Variants in NCKAP1L observed in about 807,000 individuals in gnomAD.
The protein encoded by NCKAP1L is nck-associated protein 1-like.
NCKAP1L carries 53 observed loss-of-function variants against 139.2 expected under a neutral mutation model. The observed-to-expected ratio is 0.38, with a 90% confidence interval of 0.31 to 0.48. The LOEUF is 0.48. Among genes scored for constraint, NCKAP1L ranks in the 20% least tolerant of loss-of-function variants. The probability of loss-of-function intolerance (pLI) is 0.98; values close to 1 mark genes in which losing one functional copy is unlikely to be tolerated. For synonymous variants in NCKAP1L, 468 were observed against 499.7 expected (o/e 0.94, Z 0.85); for missense variants, 1,151 against 1,381.9 (o/e 0.83, Z 2.65).
At position 54,507,877 on chromosome 12, in the gene NCKAP1L, A is replaced by G. The variant is rs1023200597; in HGVS notation, c.331A>G (p.Thr111Ala). 3 of 1,613,788 alleles carry G rather than the reference A, an allele frequency of 1.9e-6. No homozygotes were observed. The highest frequency in any genetic ancestry group is 2.5e-6 in the Non-Finnish European group (3 of 1,179,876). ...FRDHVYELLN[T>A]IDACQCHFDI... ...GGATCATGTATATGAACTTCTCAAC[A>G]CCATTGATGCCTGCCAGTGCCATTT... The change falls in exon 4 of 31, where the codon ACC becomes GCC. Residue 111 changes from threonine to alanine, a missense_variant. Physicochemically the swap from Thr to Ala is moderately conservative, Grantham distance 58. Coordinates refer to ENST00000293373, the MANE Select transcript of NCKAP1L (RefSeq NM_005337.5).
intron 30 of NCKAP1L, 119 bp from the exon 31 acceptor site, chr12:54,542,456 A>G (rs1217124621): frequency 4.0e-6 from 3 of 748,438 alleles, no homozygotes; most frequent in Middle Eastern, 3.1e-4. Context: ...GTGATTTGGA[A>G]CCCTGTTCAC....
intron 3 of NCKAP1L, among the ~76,000 whole-genome samples, chr12:54,505,861 C>T (rs1956835848): frequency 6.6e-6 from 1 of 152,116 alleles, no homozygotes; most frequent in African/African-American, 2.4e-5. Context: ...GGGGTTTCTC[C>T]ATGTTGGTCA....
chr12:54,506,795 AAATATATAT>A (rs1446296396), intron 3 of NCKAP1L, among the ~76,000 whole-genome samples: 2 of 82,416 alleles, frequency 2.4e-5, no homozygotes, highest in African/African-American at 5.0e-5. Flanking sequence ...TAAAAAAAAA[AAATATATAT>A]ATATATATAT....
At chr12:54,507,294 T>C (rs548428508) in intron 3 of NCKAP1L, among the ~76,000 whole-genome samples, 4 of 152,310 alleles carry the variant, frequency 2.6e-5, no homozygotes, top group East Asian at 1.9e-4. Context: ...GGTAAAATTA[T>C]GTGTGAAAAG....
chr12:54,543,423 G>A lies in NCKAP1L; in HGVS notation c.*738G>A, dbSNP rs1177434412. ...TGCTTTGATATCTCCACAACCCAGAGCAGAGGGTCAGTTAGTCTCCGTCAA... is the reference window on the plus strand; with the variant it reads ...TGCTTTGATATCTCCACAACCCAGAACAGAGGGTCAGTTAGTCTCCGTCAA... On this transcript the variant is annotated 3_prime_UTR_variant, in exon 31 of 31. Transcript: ENST00000293373. The A allele has an allele frequency of 6.6e-6, 1 of 152,204 alleles. No individual in the cohort carries two copies. The highest frequency in any genetic ancestry group is 2.4e-5 in the African/African-American group (1 of 41,446). 9.4% of individuals were successfully genotyped at this position (152,204 alleles called of 1,614,324 possible).
intron 17 of NCKAP1L, 51 bp from the exon 18 acceptor site, chr12:54,521,068 A>T: frequency 6.2e-7 from 1 of 1,610,924 alleles, no homozygotes; most frequent in Non-Finnish European, 8.5e-7. Flanking sequence ...GTGAGGAAGA[A>T]GTGGCCGTGC....
At position 54,531,598 on chromosome 12, in the gene NCKAP1L, TC is replaced by T; in HGVS notation, c.2698+18del. On this transcript the variant is annotated intron_variant, in intron 24 of 30. Coordinates refer to ENST00000293373, the MANE Select transcript of NCKAP1L (RefSeq NM_005337.5). ...CCCAGCTGACAGGTAAGCATCCTCT[TC>T]CCCTATAGTGAGAAGGAGCTGTGGA... is the stretch of plus-strand genomic sequence containing the variant. The T allele has an allele frequency of 1.2e-6, 2 of 1,613,596 alleles. No homozygotes were observed. Among genetic ancestry groups the T allele is most frequent in the Non-Finnish European group, 1.7e-6 (2 of 1,179,528 alleles).
chr12:54,509,526 T>C (rs1051260942), intron 5 of NCKAP1L, 143 bp from the exon 6 acceptor site: 2 of 635,650 alleles, frequency 3.1e-6, no homozygotes, highest in African/African-American at 3.6e-5. Flanking sequence ...TATCTTTATA[T>C]GTAATTTACA....
At chr12:54,531,941 G>A (rs1565682030) in intron 25 of NCKAP1L, 116 bp downstream of exon 25, 2 of 929,426 alleles carry the variant, frequency 2.2e-6, no homozygotes, top group Non-Finnish European at 3.3e-6. Flanking sequence ...TTCAGAAGGG[G>A]TTGGTGAGCA....
intron 29 of NCKAP1L, 135 bp from the exon 30 acceptor site, chr12:54,538,749 T>C: frequency 1.5e-6 from 1 of 681,226 alleles, no homozygotes; most frequent in South Asian, 1.8e-5. Context: ...GATTTGCCAC[T>C]TTCCCACCCT....
At chr12:54,527,699 T>C (rs569825477) in intron 21 of NCKAP1L, among the ~76,000 whole-genome samples, 1 of 152,280 alleles carries the variant, frequency 6.6e-6, no homozygotes, top group African/African-American at 2.4e-5. Context: ...GTCTATTAGA[T>C]ACAGACCCAG....
intron 3 of NCKAP1L, among the ~76,000 whole-genome samples, chr12:54,502,662 ACATACACAGGAAATATAT>A (rs1199991866): frequency 6.6e-6 from 1 of 151,976 alleles, no homozygotes; most frequent in Non-Finnish European, 1.5e-5. Context: ...AGGAAATATA[ACATACACAGGAAATATAT>A]CATACACAGG....
intron 3 of NCKAP1L, among the ~76,000 whole-genome samples, chr12:54,504,110 CG>C (rs1956823787): frequency 6.6e-6 from 1 of 152,068 alleles, no homozygotes; most frequent in African/African-American, 2.4e-5. Context: ...AATTTCTGAT[CG>C]GTGGGATTAT....
chr12:54,531,514 C>T lies in NCKAP1L; in HGVS notation c.2628C>T (p.Asp876=), dbSNP rs1029678631. Residue 876 remains aspartate (D), a synonymous_variant, in exon 24 of 31, where the codon GAC becomes GAT. Transcript: ENST00000293373. ...ELKKLVVENM[D]ILVQIRSNFS... is the part of the protein sequence containing the mutation. ...AGAAGCTGGTGGTGGAAAACATGGA[C>T]ATACTTGTTCAGATCAGATCCAACT... 2 of 1,614,180 alleles carry T rather than the reference C, an allele frequency of 1.2e-6. No homozygotes were observed. The highest frequency in any genetic ancestry group is 1.1e-5 in the South Asian group (1 of 91,084).
chr12:54,512,423 C>T (rs1956895770), intron 9 of NCKAP1L: 3 of 240,056 alleles, frequency 1.2e-5, no homozygotes, highest in Non-Finnish European at 2.5e-5. Context: ...TCAATTTCCT[C>T]ATCTATAAAA....
chr12:54,538,845 C>T, intron 29 of NCKAP1L, 39 bp from the exon 30 acceptor site: 1 of 1,502,844 alleles, frequency 6.7e-7, no homozygotes. Context: ...TTGATACTGA[C>T]CTGTATAAAA....
chr12:54,517,778 A>T, intron 12 of NCKAP1L, 28 bp from the exon 13 acceptor site: 1 of 1,612,874 alleles, frequency 6.2e-7, no homozygotes. Flanking sequence ...AGTCTTATTC[A>T]TCTCTGTTCT....
In NCKAP1L at chr12:54,521,178, C is replaced by T. The variant is rs774894369; in HGVS notation, c.1818C>T (p.Ala606=). The T allele has an allele frequency of 7.4e-6, 12 of 1,614,044 alleles. No individual in the cohort carries two copies. The highest frequency in any genetic ancestry group is 1.1e-5 in the South Asian group (1 of 91,074). ...GCAACTCCTTCCTGGAAGAGTTGGC[C>T]AAGCAGACCAGCAATTGCGTCCTGG... is the stretch of plus-strand genomic sequence containing the variant. ...HHCNSFLEEL[A]KQTSNCVLEI... is the part of the protein sequence containing the mutation. The change falls in exon 18 of 31, where the codon GCC becomes GCT. Residue 606 remains alanine, a synonymous_variant. Transcript: ENST00000293373.
chr12:54,532,123 G>C (rs375692494), intron 25 of NCKAP1L, 47 bp from the exon 26 acceptor site: 33 of 1,344,522 alleles, frequency 2.5e-5, no homozygotes, highest in African/African-American at 1.5e-5. Context: ...ATTTTTGAAG[G>C]CATTGGTCAT....
Sources: allele counts gnomAD v4.1 joint callset (sites outside exome capture counted in the v4.1 genomes callset), GRCh38; gene constraint gnomAD v4.1.1; transcripts MANE v1.5; gene names NCBI Gene and HGNC (gene_info 2026-07-23, HGNC 2026-07-21).